CDC45: variants seen among roughly 807,000 people sequenced by gnomAD.
CDC45 encodes the protein cell division control protein 45 homolog.
A neutral mutation model predicts 77.8 loss-of-function variants in CDC45; 54 were observed. The observed-to-expected ratio is 0.69, with a 90% CI of 0.56 to 0.87. CDC45 has a LOEUF of 0.87. Ranked by LOEUF, CDC45 falls within the 40% of genes least tolerant of loss-of-function variation. CDC45 has a pLI of 0.00. For synonymous variants in CDC45, 260 were observed against 272.1 expected, an observed-to-expected ratio of 0.96 and a Z score of 0.44; for missense variants, 649 against 721.6, an observed-to-expected ratio of 0.90 and a Z score of 1.15.
At chr22:19,489,201 T>C (rs1337431858) in intron 5 of CDC45, among the ~76,000 whole-genome samples, 1 of 152,136 alleles carries the variant, frequency 6.6e-6, no homozygotes, top group Non-Finnish European at 1.5e-5. Context: ...TCTAAATTTA[T>C]AAATCATGTG....
rs750888877 is a variant in CDC45, at chr22:19,482,755, T to G, written c.270T>G (p.Asp90Glu). The change falls in exon 4 of 19, where the codon GAT becomes GAG. Residue 90 changes from aspartate to glutamate, a missense_variant. Coordinates refer to ENST00000263201, the MANE Select transcript of CDC45 (RefSeq NM_003504.5). Reference protein sequence around the residue: ...NVDLLDILQPDEDTIFFVCDT... With the variant: ...NVDLLDILQPEEDTIFFVCDT... Reference sequence around the variant, plus strand: ...ACCTATTGGATATTCTTCAACCTGATGAAGACACTATATTCTTTGTGTGTG... The same window carrying G: ...ACCTATTGGATATTCTTCAACCTGAGGAAGACACTATATTCTTTGTGTGTG... 2 of 1,612,830 alleles carry G rather than the reference T, an allele frequency of 1.2e-6. No homozygotes were observed. Among genetic ancestry groups the G allele is most frequent in the African/African-American group, 1.3e-5 (1 of 75,030 alleles).
At chr22:19,513,432 T>C (rs1260177779) in intron 13 of CDC45, among the ~76,000 whole-genome samples, 1 of 152,202 alleles carries the variant, frequency 6.6e-6, no homozygotes, top group Non-Finnish European at 1.5e-5. Context: ...CGGCTCTTTG[T>C]TTTTCCTGCT....
chr22:19,488,360 A>G (rs2090104984), intron 5 of CDC45, among the ~76,000 whole-genome samples: 1 of 152,142 alleles, frequency 6.6e-6, no homozygotes, highest in Admixed American at 6.6e-5. Context: ...TCAGGTGGGG[A>G]CTCAATGGCT....
chr22:19,518,816 C>CA (rs745614102), intron 17 of CDC45, 28 bp from the exon 18 acceptor site: 117 of 1,603,256 alleles, frequency 7.3e-5, no homozygotes, highest in Non-Finnish European at 9.1e-5. Flanking sequence ...CCTCCCTTCT[C>CA]ACGGCTGTTT....
chr22:19,505,129 T>A, intron 9 of CDC45: 1 of 541,366 alleles, frequency 1.8e-6, no homozygotes, highest in Non-Finnish European at 3.3e-6. Context: ...GTGAGACCCA[T>A]GAGGACCGGA....
chr22:19,501,847 C>T (rs1342133946), intron 9 of CDC45, among the ~76,000 whole-genome samples: 1 of 152,012 alleles, frequency 6.6e-6, no homozygotes, highest in Admixed American at 6.6e-5. Context: ...CCCATGTAGC[C>T]GGGACTACAG....
intron 17 of CDC45, among the ~76,000 whole-genome samples, chr22:19,518,320 G>A (rs2146451630): frequency 6.6e-6 from 1 of 152,292 alleles, no homozygotes; most frequent in African/African-American, 2.4e-5. Flanking sequence ...TGGCTCCCAG[G>A]GCCAGGCCAG....
At chr22:19,495,022 G>T (rs1305370431) in intron 6 of CDC45, among the ~76,000 whole-genome samples, 2 of 152,204 alleles carry the variant, frequency 1.3e-5, no homozygotes, top group Non-Finnish European at 1.5e-5. Flanking sequence ...TTGCACTCCA[G>T]CCTGGGTGAC....
intron 13 of CDC45, 98 bp downstream of exon 13, chr22:19,508,789 CTG>C (rs1435141162): frequency 2.6e-6 from 3 of 1,173,628 alleles, no homozygotes; most frequent in African/African-American, 3.1e-5. Context: ...GTGGGAGTGA[CTG>C]TGTCCTGCAG....
At chr22:19,512,152 A>C (rs897736735) in intron 13 of CDC45, among the ~76,000 whole-genome samples, 1 of 151,946 alleles carries the variant, frequency 6.6e-6, no homozygotes, top group Admixed American at 6.5e-5. Context: ...GCTCTTTACC[A>C]TGCCCCCTTA....
Position 19,497,455 on chromosome 22 carries a change from G to A in CDC45, c.653+8G>A, listed in dbSNP as rs2090262625. 6.2e-7 allele frequency: 1 copy of A among 1,612,788 alleles called. No individual in the cohort carries two copies. The highest frequency in any genetic ancestry group is 8.5e-7 in the Non-Finnish European group (1 of 1,178,964). ...CCTGAATGACATGCTGTGGTACGTA[G>A]CCCCTGCGGCAGCTGTGTGGGAGTA... On this transcript the variant is annotated splice_region_variant and intron_variant, in intron 8 of 18. Coordinates refer to ENST00000263201, the MANE Select transcript of CDC45 (RefSeq NM_003504.5).
intron 10 of CDC45, among the ~76,000 whole-genome samples, chr22:19,506,360 C>T (rs1422846427): frequency 1.3e-5 from 2 of 151,924 alleles, no homozygotes; most frequent in Non-Finnish European, 2.9e-5. Context: ...GCTCACTTAC[C>T]CAGGGACCAT....
intron 9 of CDC45, 23 bp from the exon 10 acceptor site, chr22:19,505,339 G>T: frequency 6.2e-7 from 1 of 1,614,074 alleles, no homozygotes; most frequent in African/African-American, 1.3e-5. Context: ...ACCAGCCGAG[G>T]CTTGTGCTAC....
rs5748251 is a variant in CDC45 at position 19,505,788 on chromosome 22, C to G, written c.824+307C>G. 0.84 allele frequency among the ~76,000 whole-genome samples: 128,076 copies of G among 152,242 alleles called. 54,280 individuals carry two copies. The highest frequency in any genetic ancestry group is 0.94 in the African/African-American group (39,166 of 41,566). ...TGGTTCACGCAGTCAGGAAAGAAGG[C>G]AGCTGCCATGTAATCACACAGCGTG... is the stretch of plus-strand genomic sequence containing the variant. On this transcript the variant is annotated intron_variant, in intron 10 of 18. Transcript: ENST00000263201.
At chr22:19,484,757 T>C (rs2238772) in intron 5 of CDC45, among the ~76,000 whole-genome samples, 65,057 of 152,030 alleles carry the variant, frequency 0.43, 15,672 homozygotes, top group South Asian at 0.61. Flanking sequence ...AAGACATTCT[T>C]CATTTGGGGA....
intron 10 of CDC45, among the ~76,000 whole-genome samples, chr22:19,506,315 C>A (rs966134207): frequency 6.6e-6 from 1 of 152,104 alleles, no homozygotes; most frequent in Admixed American, 6.6e-5. Flanking sequence ...CCGCTGTGCA[C>A]TGGAGCTGGT....
intron 13 of CDC45, among the ~76,000 whole-genome samples, chr22:19,513,430 T>G (rs1181343800): frequency 6.6e-6 from 1 of 152,228 alleles, no homozygotes; most frequent in Non-Finnish European, 1.5e-5. Flanking sequence ...CACGGCTCTT[T>G]GTTTTTCCTG....
chr22:19,499,482 A>T (rs1308631742), intron 9 of CDC45, among the ~76,000 whole-genome samples: 1 of 151,112 alleles, frequency 6.6e-6, no homozygotes, highest in African/African-American at 2.4e-5. Context: ...AGGTGGGGGG[A>T]TGGGGGAAGA....
At chr22:19,500,386 A>G (rs917582856) in intron 9 of CDC45, among the ~76,000 whole-genome samples, 1 of 152,152 alleles carries the variant, frequency 6.6e-6, no homozygotes, top group Non-Finnish European at 1.5e-5. Context: ...CTCGCAGCAC[A>G]TCAGCATCAG....
Sources: allele counts gnomAD v4.1 joint callset (sites outside exome capture counted in the v4.1 genomes callset), GRCh38; gene constraint gnomAD v4.1.1; transcripts MANE v1.5; gene names NCBI Gene and HGNC (gene_info 2026-07-23, HGNC 2026-07-21).